MECOM: variants seen among roughly 807,000 people sequenced by gnomAD.
MECOM encodes the protein MDS1 and EVI1 complex locus.
A neutral mutation model predicts 116.3 loss-of-function variants in MECOM; 13 were observed. The ratio of observed to expected loss-of-function variants is 0.11; its 90% CI spans 0.07 to 0.18. The LOEUF is 0.18. Ranked by LOEUF, MECOM falls within the 10% of genes least tolerant of loss-of-function variation. The pLI, the probability that MECOM is intolerant of heterozygous loss-of-function variation, is 1.00. For missense variants in MECOM, 1,299 were observed against 1,509.0 expected (o/e 0.86, Z 2.31); for synonymous variants, 528 against 535.2 (o/e 0.99, Z 0.19).
intron 2 of MECOM, among the ~76,000 whole-genome samples, chr3:169,345,343 G>A (rs1267520590): frequency 6.6e-6 from 1 of 151,572 alleles, no homozygotes; most frequent in Admixed American, 6.6e-5. Flanking sequence ...CCAGGGATAG[G>A]AAGAAAAAAA....
chr3:169,237,113 G>T (rs762031379), intron 2 of MECOM, among the ~76,000 whole-genome samples: 13 of 152,112 alleles, frequency 8.5e-5, no homozygotes, highest in Non-Finnish European at 1.6e-4. Flanking sequence ...TAGAACCAAA[G>T]GCTTCAGTAA....
At chr3:169,206,229 A>G (rs1749897966) in intron 2 of MECOM, among the ~76,000 whole-genome samples, 1 of 151,958 alleles carries the variant, frequency 6.6e-6, no homozygotes, top group Non-Finnish European at 1.5e-5. Flanking sequence ...AGCACATTAT[A>G]CTCTCTTTGG....
Position 169,347,617 on chromosome 3 carries a change from T to C in MECOM, c.375+33570A>G, listed in dbSNP as rs899575921. Among the ~76,000 whole-genome samples, 9 of 152,138 alleles carry C rather than the reference T, an allele frequency of 5.9e-5. No individual in the cohort carries two copies. In the East Asian group the frequency reaches 1.7e-3, roughly 29 times the overall value. ...AGGAGTTAGAATTAACTGAAAGATA[T>C]CTACAAGAGAAGTTATCTACCCTTA... On this transcript the variant is annotated intron_variant, in intron 2 of 16. Coordinates refer to ENST00000651503, the MANE Select transcript of MECOM (RefSeq NM_004991.4).
rs529261266 is a variant in MECOM at position 169,358,922 on chromosome 3, T to C, written c.375+22265A>G. ...AATTTTTAACCCTTACCCATGTGGG[T>C]AATGAATTCTAACATCCTACTGTGG... is the stretch of plus-strand genomic sequence containing the variant. On this transcript the variant is annotated intron_variant, in intron 2 of 16. Coordinates refer to ENST00000651503, the MANE Select transcript of MECOM (RefSeq NM_004991.4). Among the ~76,000 whole-genome samples, 10 of 151,898 alleles carry C rather than the reference T, an allele frequency of 6.6e-5. No individual in the cohort carries two copies. The South Asian group carries it at 1.9e-3, about 28-fold the overall frequency.
chr3:169,241,113 C>T (rs1754742851), intron 2 of MECOM, among the ~76,000 whole-genome samples: 2 of 152,122 alleles, frequency 1.3e-5, no homozygotes, highest in South Asian at 4.1e-4. Context: ...ACTACCTTTA[C>T]CCTATTATTA....
At position 169,147,361 on chromosome 3, in the gene MECOM, G is replaced by A. The variant is rs540503701; in HGVS notation, c.376-3529C>T. 6.1e-6 allele frequency: 6 copies of A among 985,466 alleles called. No homozygotes were observed. The African/African-American group carries it at 8.7e-5, about 14-fold the overall frequency. The allele number at this position is 985,466 out of a possible 1,614,324, so 61.0% of individuals were successfully genotyped here. ...CCCTTTCGCAACTCCAAGCTCAGCC[G>A]CCGGGTTTCTATTTCATGAACTGTC... On this transcript the variant is annotated intron_variant, in intron 2 of 16. Coordinates refer to ENST00000651503, the MANE Select transcript of MECOM (RefSeq NM_004991.4).
intron 1 of MECOM, among the ~76,000 whole-genome samples, chr3:169,425,511 A>G (rs1246774529): frequency 6.6e-6 from 1 of 152,192 alleles, no homozygotes; most frequent in Non-Finnish European, 1.5e-5. Flanking sequence ...AGACAACTCT[A>G]TGTAACATTT....
chr3:169,099,032 A>G (rs937381682), intron 12 of MECOM, among the ~76,000 whole-genome samples: 14 of 151,272 alleles, frequency 9.3e-5, no homozygotes, highest in African/African-American at 3.2e-4. Context: ...TCTTCCCTGT[A>G]GCAGTTATTA....
At chr3:169,222,906 G>T (rs1004289987) in intron 2 of MECOM, among the ~76,000 whole-genome samples, 8 of 152,038 alleles carry the variant, frequency 5.3e-5, no homozygotes, top group African/African-American at 1.9e-4. Flanking sequence ...CATTAATAAT[G>T]AACGGTGCCT....
chr3:169,232,841 C>T (rs949268600), intron 2 of MECOM, among the ~76,000 whole-genome samples: 2 of 152,092 alleles, frequency 1.3e-5, no homozygotes, highest in Non-Finnish European at 1.5e-5. Context: ...TCAGCTTAAA[C>T]TCTAGTGCCA....
chr3:169,510,533 G>A (rs959454356), intron 1 of MECOM, among the ~76,000 whole-genome samples: 1 of 152,166 alleles, frequency 6.6e-6, no homozygotes, highest in African/African-American at 2.4e-5. Flanking sequence ...GCCATTCCCT[G>A]CCAACTCTGC....
At chr3:169,416,976 A>G (rs920198722) in intron 1 of MECOM, among the ~76,000 whole-genome samples, 4 of 152,238 alleles carry the variant, frequency 2.6e-5, no homozygotes, top group African/African-American at 7.2e-5. Flanking sequence ...TTAAAGACTT[A>G]AACGTTAGAC....
At chr3:169,479,081 G>A (rs1168532430) in intron 1 of MECOM, among the ~76,000 whole-genome samples, 1 of 152,122 alleles carries the variant, frequency 6.6e-6, no homozygotes, top group Non-Finnish European at 1.5e-5. Flanking sequence ...TACTAATACT[G>A]TAGCCAGAAA....
At chr3:169,477,123 A>G (rs1750586632) in intron 1 of MECOM, 1 of 82,158 alleles carries the variant, frequency 1.2e-5, no homozygotes, top group Non-Finnish European at 2.3e-5. Context: ...ATATATATAT[A>G]TATATATATA....
intron 1 of MECOM, among the ~76,000 whole-genome samples, chr3:169,592,980 CATG>C (rs1321038691): frequency 6.6e-6 from 1 of 152,114 alleles, no homozygotes; most frequent in Non-Finnish European, 1.5e-5. Flanking sequence ...ATGTATAAAA[CATG>C]AGATACATAT....
At chr3:169,416,157 G>T (rs567477676) in intron 1 of MECOM, among the ~76,000 whole-genome samples, 1 of 152,226 alleles carries the variant, frequency 6.6e-6, no homozygotes, top group Admixed American at 6.5e-5. Flanking sequence ...CAAAAGAACA[G>T]AAATCATAAC....
intron 1 of MECOM, among the ~76,000 whole-genome samples, chr3:169,450,565 C>T (rs1745382981): frequency 7.2e-6 from 1 of 138,652 alleles, no homozygotes; most frequent in Non-Finnish European, 1.5e-5. Context: ...CAGCAGCTTA[C>T]ATCTTCAGGA....
At chr3:169,376,489 TACA>T (rs1428559303) in intron 2 of MECOM, among the ~76,000 whole-genome samples, 2 of 152,172 alleles carry the variant, frequency 1.3e-5, no homozygotes, top group Non-Finnish European at 2.9e-5. Flanking sequence ...AGTCTCAGGA[TACA>T]ACATCAATGT....
intron 1 of MECOM, among the ~76,000 whole-genome samples, chr3:169,449,787 A>G (rs941463564): frequency 2.0e-5 from 3 of 152,190 alleles, no homozygotes; most frequent in Admixed American, 6.6e-5. Flanking sequence ...CAATGAAACC[A>G]TCAGCTGTAA....
Sources: allele counts gnomAD v4.1 joint callset (sites outside exome capture counted in the v4.1 genomes callset), GRCh38; gene constraint gnomAD v4.1.1; transcripts MANE v1.5; gene names NCBI Gene and HGNC (gene_info 2026-07-23, HGNC 2026-07-21).